Variants in RELN observed in about 807,000 individuals in gnomAD.
RELN encodes reelin.
Under a neutral mutation model 427.6 loss-of-function variants are expected in RELN, and 108 were observed. That is an observed-to-expected ratio of 0.25 (90% CI 0.22 to 0.30). The LOEUF is 0.30. Among genes scored for constraint, RELN ranks in the 10% least tolerant of loss-of-function variants. The pLI, the probability that RELN is intolerant of heterozygous loss-of-function variation, is 1.00. For missense variants in RELN, 3,715 were observed against 4,302.8 expected (o/e 0.86, Z 3.82); for synonymous variants, 1,524 against 1,513.4 (o/e 1.01, Z -0.16).
chr7:103,906,275 C>T lies in RELN; in HGVS notation c.337+10800G>A, dbSNP rs184027827. On this transcript the variant is annotated intron_variant, in intron 2 of 64. Transcript: ENST00000428762. ...CAGTCTGAATTACAGCTCTGCAACT[C>T]CCTAAGCAAGCATAACCTCCCGCAA... Among the ~76,000 whole-genome samples, 139 of 152,128 alleles carry T rather than the reference C, an allele frequency of 9.1e-4. 1 individual carries two copies. Among genetic ancestry groups the T allele is most frequent in the African/African-American group, 3.2e-3 (133 of 41,498 alleles).
rs554900034 is a variant in RELN at position 103,908,144 on chromosome 7, G to C, written c.337+8931C>G. ...GCATTGCTTCCTTACCTATACACTGGGGGTGGCGCTGATCCAGGCTCTAGG... is the reference window on the plus strand; with the variant it reads ...GCATTGCTTCCTTACCTATACACTGCGGGTGGCGCTGATCCAGGCTCTAGG... On this transcript the variant is annotated intron_variant, in intron 2 of 64. Coordinates refer to ENST00000428762, the MANE Select transcript of RELN (RefSeq NM_005045.4). Among the ~76,000 whole-genome samples the C allele has an allele frequency of 9.2e-5, 14 of 152,140 alleles. 2 individuals are homozygous for C. Among genetic ancestry groups the C allele is most frequent in the Admixed American group, 7.9e-4 (12 of 15,260 alleles).
At chr7:103,661,220 C>A (rs548001644) in intron 12 of RELN, among the ~76,000 whole-genome samples, 156 bp downstream of exon 12, 4 of 152,250 alleles carry the variant, frequency 2.6e-5, no homozygotes, top group Non-Finnish European at 4.4e-5. Context: ...GCCTGAAACA[C>A]GGGGGAGTAC....
intron 58 of RELN, among the ~76,000 whole-genome samples, chr7:103,491,104 A>AGTTG: frequency 6.6e-6 from 1 of 152,386 alleles, no homozygotes; most frequent in South Asian, 2.1e-4. Flanking sequence ...TTGTTACTAG[A>AGTTG]AATATACCTG....
chr7:103,509,131 T>G (rs1267842843), intron 51 of RELN, among the ~76,000 whole-genome samples: 1 of 152,198 alleles, frequency 6.6e-6, no homozygotes, highest in Non-Finnish European at 1.5e-5. Context: ...ATTGACTTTC[T>G]TCACAGAATT....
chr7:103,889,936 C>T (rs1794808658), intron 2 of RELN, among the ~76,000 whole-genome samples: 1 of 152,120 alleles, frequency 6.6e-6, no homozygotes, highest in Non-Finnish European at 1.5e-5. Flanking sequence ...ATTTAGTTGG[C>T]AGTTTTAGTG....
intron 49 of RELN, 86 bp downstream of exon 49, chr7:103,519,237 A>G: frequency 3.0e-6 from 3 of 1,013,514 alleles, no homozygotes; most frequent in Non-Finnish European, 4.7e-6. Flanking sequence ...CATAAGTCTG[A>G]GGTCCCCCTC....
chr7:103,604,310 A>C, intron 23 of RELN, 36 bp downstream of exon 23: 1 of 1,613,046 alleles, frequency 6.2e-7, no homozygotes, highest in Non-Finnish European at 8.5e-7. Flanking sequence ...AAATCTTGAG[A>C]AGCATGGACC....
In RELN at chr7:103,496,909, A is replaced by C; in HGVS notation, c.8951-141T>G. ...GACAACTGATTTTCCTGACTTTGAT[A>C]TTAGGTATTCACTACTTATACTGTT... On this transcript the variant is annotated intron_variant, in intron 55 of 64. Coordinates refer to ENST00000428762, the MANE Select transcript of RELN (RefSeq NM_005045.4). 3 of 867,780 alleles carry C rather than the reference A, an allele frequency of 3.5e-6. No homozygotes were observed. In the Admixed American group the frequency reaches 5.8e-5, roughly 17 times the overall value. The allele number at this position is 867,780 out of a possible 1,614,324, so 53.8% of individuals were successfully genotyped here.
At chr7:103,971,335 G>A (rs1473229125) in intron 1 of RELN, among the ~76,000 whole-genome samples, 4 of 151,822 alleles carry the variant, frequency 2.6e-5, no homozygotes, top group South Asian at 2.1e-4. Flanking sequence ...GGGTTGGGGG[G>A]AATACCTGTC....
At chr7:103,852,779 A>G (rs1793856007) in intron 2 of RELN, among the ~76,000 whole-genome samples, 1 of 152,062 alleles carries the variant, frequency 6.6e-6, no homozygotes. Flanking sequence ...TCATATTACA[A>G]TTATTTCAAG....
intron 25 of RELN, among the ~76,000 whole-genome samples, chr7:103,595,442 T>C (rs141250454): frequency 2.2e-4 from 33 of 152,312 alleles, no homozygotes; most frequent in African/African-American, 7.5e-4. Flanking sequence ...TTGGTCTGTT[T>C]GCATGTCTAC....
rs556959433 is a variant in RELN at position 103,652,640 on chromosome 7, G to A, written c.1674C>T (p.Phe558=). The part of the protein sequence containing the change: ...HNRNVWAVDF[F]HVLPVLPSTM... ...TAGAAGGGAGAACAGGCAAGACATG[G>A]AAAAAGTCTACAGCCCAGACATTCC... The change falls in exon 14 of 65, where the codon TTC becomes TTT. Residue 558 remains phenylalanine, a synonymous_variant. Transcript: ENST00000428762. 1.2e-6 allele frequency: 2 copies of A among 1,612,910 alleles called. No individual in the cohort carries two copies.
intron 22 of RELN, among the ~76,000 whole-genome samples, chr7:103,609,187 C>T (rs1188572873): frequency 2.1e-5 from 3 of 145,678 alleles, no homozygotes; most frequent in Non-Finnish European, 3.0e-5. Context: ...CGCGCCACTG[C>T]ACTCCAGCCT....
intron 8 of RELN, among the ~76,000 whole-genome samples, chr7:103,715,390 T>C (rs1265736526): frequency 6.6e-6 from 1 of 152,216 alleles, no homozygotes; most frequent in Non-Finnish European, 1.5e-5. Flanking sequence ...TCTTCCACTT[T>C]CTGTTTTATA....
intron 64 of RELN, among the ~76,000 whole-genome samples, chr7:103,474,168 C>T (rs1827950150): frequency 6.6e-6 from 1 of 152,056 alleles, no homozygotes; most frequent in Admixed American, 6.5e-5. Context: ...AAGATAATTT[C>T]ACAGTTTCAT....
chr7:103,789,169 C>T (rs1006221563), intron 3 of RELN, among the ~76,000 whole-genome samples: 3 of 152,192 alleles, frequency 2.0e-5, no homozygotes, highest in Non-Finnish European at 2.9e-5. Flanking sequence ...CCCTTTCTTA[C>T]ATCTTACACA....
intron 1 of RELN, among the ~76,000 whole-genome samples, chr7:103,982,339 C>T (rs10256985): frequency 0.53 from 81,203 of 151,864 alleles, 22,002 homozygotes; most frequent in African/African-American, 0.63. Context: ...TGTAATTCAG[C>T]GATATGAAGA....
chr7:103,706,126 C>T (rs1456235136), intron 8 of RELN, among the ~76,000 whole-genome samples: 7 of 151,706 alleles, frequency 4.6e-5, no homozygotes, highest in Admixed American at 1.3e-4. Flanking sequence ...AATTCAATAA[C>T]GATATGAAAA....
intron 4 of RELN, among the ~76,000 whole-genome samples, chr7:103,773,168 T>TTTCTTTCTTTCTTTC: frequency 1.0e-5 from 1 of 99,028 alleles, no homozygotes; most frequent in East Asian, 3.7e-4. Context: ...TTCTTTCTTT[T>TTTCTTTCTTTCTTTC]TCTTTCTTTC....
Sources: gnomAD v4.1 joint callset for allele counts (sites outside exome capture counted in the v4.1 genomes callset) on GRCh38, gnomAD v4.1.1 for gene constraint, MANE v1.5 for transcripts, NCBI Gene and HGNC (gene_info 2026-07-23, HGNC 2026-07-21) for gene names.